The following CTNNA2 variants were observed in gnomAD, a reference collection of about 807,000 sequenced individuals.
The protein encoded by CTNNA2 is catenin alpha-2.
In CTNNA2, 42 loss-of-function variants were observed where a neutral mutation model predicts 101.0. The observed-to-expected ratio is 0.42, with a 90% confidence interval of 0.32 to 0.54. The LOEUF (loss-of-function observed/expected upper bound fraction) is 0.54, where lower values mean the gene tolerates loss of function less well. Among genes scored for constraint, CTNNA2 ranks in the 20% least tolerant of loss-of-function variants. The pLI is 0.14. For missense variants in CTNNA2, 871 were observed against 1,223.1 expected, an observed-to-expected ratio of 0.71 and a Z score of 4.29; for synonymous variants, 450 against 456.4, an observed-to-expected ratio of 0.99 and a Z score of 0.18.
At chr2:79,214,369 TGAG>T (rs772548182) in intron 2 of CTNNA2, among the ~76,000 whole-genome samples, 3 of 151,846 alleles carry the variant, frequency 2.0e-5, no homozygotes, top group Non-Finnish European at 4.4e-5. Context: ...AGGGAGGTAT[TGAG>T]GATATGAGAG....
At chr2:80,031,765 T>C (rs549710638) in intron 7 of CTNNA2, among the ~76,000 whole-genome samples, 1 of 152,356 alleles carries the variant, frequency 6.6e-6, no homozygotes, top group African/African-American at 2.4e-5. Flanking sequence ...TGCATAGCCA[T>C]GGACATACAT....
chr2:79,790,657 A>G (rs1675201212), intron 3 of CTNNA2, among the ~76,000 whole-genome samples: 1 of 152,202 alleles, frequency 6.6e-6, no homozygotes, highest in Non-Finnish European at 1.5e-5. Flanking sequence ...TATTGGGACC[A>G]GGTAAATTGT....
At chr2:80,061,789 C>T (rs1248238794) in intron 7 of CTNNA2, among the ~76,000 whole-genome samples, 1 of 152,092 alleles carries the variant, frequency 6.6e-6, no homozygotes, top group African/African-American at 2.4e-5. Context: ...TTGGATGTGG[C>T]CTCCACTCTG....
chr2:80,080,223 T>A (rs1699049044), intron 7 of CTNNA2, among the ~76,000 whole-genome samples: 1 of 152,064 alleles, frequency 6.6e-6, no homozygotes, highest in South Asian at 2.1e-4. Flanking sequence ...ATTAAAACAA[T>A]CTTGAAAAAG....
intron 1 of CTNNA2, among the ~76,000 whole-genome samples, chr2:79,539,359 T>C (rs1673270596): frequency 1.3e-5 from 2 of 152,178 alleles, no homozygotes; most frequent in Non-Finnish European, 2.9e-5. Context: ...GAGAAGGCCA[T>C]TGGAAATGCT....
intron 7 of CTNNA2, among the ~76,000 whole-genome samples, chr2:80,112,138 G>A (rs932769637): frequency 6.6e-6 from 1 of 152,070 alleles, no homozygotes; most frequent in African/African-American, 2.4e-5. Context: ...GTAAGACAGG[G>A]CGATGAGATA....
At chr2:79,839,702 C>T (rs1679660520) in intron 3 of CTNNA2, among the ~76,000 whole-genome samples, 1 of 151,576 alleles carries the variant, frequency 6.6e-6, no homozygotes, top group Non-Finnish European at 1.5e-5. Context: ...TTATTTATTT[C>T]TTCCTTTGAG....
intron 7 of CTNNA2, among the ~76,000 whole-genome samples, chr2:80,244,559 C>A (rs1458726314): frequency 6.6e-6 from 1 of 152,200 alleles, no homozygotes; most frequent in African/African-American, 2.4e-5. Flanking sequence ...CATAACACTG[C>A]TCAAACAGAA....
At chr2:79,937,840 T>C (rs1225877490) in intron 7 of CTNNA2, among the ~76,000 whole-genome samples, 2 of 152,206 alleles carry the variant, frequency 1.3e-5, no homozygotes, top group Non-Finnish European at 2.9e-5. Flanking sequence ...TAATGTCCCA[T>C]CCTGGTTCTA....
chr2:80,343,011 C>T (rs959477053), intron 7 of CTNNA2, among the ~76,000 whole-genome samples: 4 of 152,118 alleles, frequency 2.6e-5, no homozygotes, highest in Non-Finnish European at 4.4e-5. Context: ...TGTGAAAGAA[C>T]GGAGTGATCT....
Position 79,956,473 on chromosome 2 carries a change from GA to G in CTNNA2, c.1056+46678del, listed in dbSNP as rs149982958. Reference sequence around the variant, plus strand: ...AAAAGTGCTTTCATACAACTTTTAAGAACCATTCCTTTATCAATATAAAGTA... The same window carrying G: ...AAAAGTGCTTTCATACAACTTTTAAGACCATTCCTTTATCAATATAAAGTA... On this transcript the variant is annotated intron_variant, in intron 7 of 18. Coordinates refer to ENST00000402739, the MANE Select transcript of CTNNA2 (RefSeq NM_001282597.3). Among the ~76,000 whole-genome samples the G allele has an allele frequency of 7.3e-3, 1,109 of 152,214 alleles. 13 individuals are homozygous for G. The highest frequency in any genetic ancestry group is 0.026 in the African/African-American group (1,067 of 41,534).
intron 12 of CTNNA2, among the ~76,000 whole-genome samples, chr2:80,573,612 A>T (rs1338207060): frequency 6.6e-6 from 1 of 152,046 alleles, no homozygotes; most frequent in Non-Finnish European, 1.5e-5. Context: ...TCCACATTTG[A>T]TTGTGAAGCC....
chr2:80,013,680 A>G (rs1693938142), intron 7 of CTNNA2, among the ~76,000 whole-genome samples: 1 of 152,188 alleles, frequency 6.6e-6, no homozygotes, highest in Non-Finnish European at 1.5e-5. Flanking sequence ...TTCACCAGGA[A>G]AAATCAGTCT....
chr2:79,982,033 T>G lies in CTNNA2; in HGVS notation c.1056+72236T>G, dbSNP rs1691312654. On this transcript the variant is annotated intron_variant, in intron 7 of 18. Coordinates refer to ENST00000402739, the MANE Select transcript of CTNNA2 (RefSeq NM_001282597.3). ...AAGTTCTTGGTTCATGGTAGTGTTT[T>G]GTTTTTGTTTTTGTTTTTATTTTGA... 3.3e-5 allele frequency among the ~76,000 whole-genome samples: 5 copies of G among 150,678 alleles called. No individual in the cohort carries two copies. The South Asian group carries it at 1.0e-3, about 32-fold the overall frequency.
At chr2:80,009,147 A>G (rs1693588701) in intron 7 of CTNNA2, among the ~76,000 whole-genome samples, 1 of 152,198 alleles carries the variant, frequency 6.6e-6, no homozygotes, top group Non-Finnish European at 1.5e-5. Context: ...TCCAAAGCTT[A>G]CCTGAGTATA....
At chr2:79,363,337 T>G (rs1677672394) in intron 3 of CTNNA2, among the ~76,000 whole-genome samples, 1 of 152,182 alleles carries the variant, frequency 6.6e-6, no homozygotes, top group Admixed American at 6.5e-5. Flanking sequence ...ATAATTGCAT[T>G]TTATTTAATT....
intron 3 of CTNNA2, among the ~76,000 whole-genome samples, chr2:79,789,850 C>G (rs1341259652): frequency 6.6e-6 from 1 of 152,040 alleles, no homozygotes; most frequent in Non-Finnish European, 1.5e-5. Context: ...TTGCATTTGA[C>G]ATGCTTCCTG....
At chr2:79,547,430 A>G (rs1047644927) in intron 1 of CTNNA2, 4 of 152,644 alleles carry the variant, frequency 2.6e-5, no homozygotes, top group African/African-American at 9.6e-5. Context: ...TTGACACACA[A>G]TAAGGTCAGA....
intron 7 of CTNNA2, among the ~76,000 whole-genome samples, chr2:80,148,975 T>A (rs1214942352): frequency 6.6e-6 from 1 of 151,080 alleles, no homozygotes; most frequent in Admixed American, 6.6e-5. Flanking sequence ...TTTACCAAAT[T>A]AAAAAAACAA....
Sources: gnomAD v4.1 joint callset for allele counts (sites outside exome capture counted in the v4.1 genomes callset) on GRCh38, gnomAD v4.1.1 for gene constraint, MANE v1.5 for transcripts, NCBI Gene and HGNC (gene_info 2026-07-23, HGNC 2026-07-21) for gene names.